TENM2: variants seen among roughly 807,000 people sequenced by gnomAD.
The protein encoded by TENM2 is teneurin-2.
TENM2 carries 52 observed loss-of-function variants against 245.2 expected under a neutral mutation model. The ratio of observed to expected loss-of-function variants is 0.21; its 90% CI spans 0.17 to 0.27. The LOEUF is 0.27. Ranked by LOEUF, TENM2 falls within the 10% of genes least tolerant of loss-of-function variation. The pLI is 1.00. For missense variants in TENM2, 3,046 were observed against 3,666.8 expected, an observed-to-expected ratio of 0.83 and a Z score of 4.37; for synonymous variants, 1,363 against 1,438.9, an observed-to-expected ratio of 0.95 and a Z score of 1.19.
At chr5:168,176,343 C>T (rs1759358189) in intron 13 of TENM2, among the ~76,000 whole-genome samples, 1 of 152,200 alleles carries the variant, frequency 6.6e-6, no homozygotes. Flanking sequence ...TCCTCTCTCT[C>T]TTCCTCGTCC....
intron 3 of TENM2, among the ~76,000 whole-genome samples, chr5:167,942,338 T>C (rs1448971532): frequency 6.6e-6 from 1 of 152,246 alleles, no homozygotes; most frequent in African/African-American, 2.4e-5. Flanking sequence ...TAACTCTCTT[T>C]ACCAATTAGG....
chr5:168,092,837 A>G (rs1379224688), intron 8 of TENM2, among the ~76,000 whole-genome samples: 1 of 152,258 alleles, frequency 6.6e-6, no homozygotes, highest in Non-Finnish European at 1.5e-5. Context: ...GGGGTCTACA[A>G]GAATTCAGAG....
chr5:167,474,305 T>A (rs1767227225), intron 2 of TENM2, among the ~76,000 whole-genome samples: 1 of 152,146 alleles, frequency 6.6e-6, no homozygotes, highest in South Asian at 2.1e-4. Context: ...ATATTCAATA[T>A]CAACGTTTTT....
chr5:168,070,769 G>C (rs555742711), intron 7 of TENM2, among the ~76,000 whole-genome samples: 10 of 149,166 alleles, frequency 6.7e-5, no homozygotes, highest in South Asian at 6.5e-4. Flanking sequence ...GGGCAAAAGA[G>C]TGAGATCCTG....
intron 8 of TENM2, among the ~76,000 whole-genome samples, chr5:168,095,998 A>G (rs570703456): frequency 6.6e-6 from 1 of 152,304 alleles, no homozygotes; most frequent in East Asian, 1.9e-4. Flanking sequence ...CAGGAGAAAA[A>G]TCCTGAGCTT....
rs369381153 is a variant in TENM2 at position 167,694,379 on chromosome 5, G to C, written c.503-181607G>C. ...CAGGTGATTCTCATCCACAGCCCAG[G>C]TTCTGAACCAATATTTAAAATAGCA... On this transcript the variant is annotated intron_variant, in intron 2 of 28. Coordinates refer to ENST00000518659, the Ensembl canonical transcript of TENM2. Among the ~76,000 whole-genome samples the C allele has an allele frequency of 2.0e-5, 3 of 152,272 alleles. No individual in the cohort carries two copies. The South Asian group carries it at 6.2e-4, about 32-fold the overall frequency.
the TENM2 span, among the ~76,000 whole-genome samples, chr5:167,111,661 T>G: frequency 6.6e-6 from 1 of 152,162 alleles, no homozygotes; most frequent in African/African-American, 2.4e-5. Context: ...AAATGCAAAT[T>G]TCTGTACTTT....
intron 2 of TENM2, among the ~76,000 whole-genome samples, chr5:167,870,638 CAT>C (rs896976549): frequency 1.6e-4 from 23 of 146,282 alleles, no homozygotes; most frequent in African/African-American, 3.0e-4. Context: ...TACACACACA[CAT>C]ATATAGTAAT....
chr5:167,086,437 T>C, the TENM2 span, among the ~76,000 whole-genome samples: 1 of 152,096 alleles, frequency 6.6e-6, no homozygotes. Context: ...GGTCCTAGTG[T>C]TTTTCAATTC....
intron 15 of TENM2, among the ~76,000 whole-genome samples, chr5:168,196,049 G>C (rs1159200379): frequency 6.6e-6 from 1 of 152,074 alleles, no homozygotes; most frequent in Non-Finnish European, 1.5e-5. Context: ...CACAATTATG[G>C]CATTCTGTTT....
intron 25 of TENM2, among the ~76,000 whole-genome samples, chr5:168,233,189 G>A (rs1481491213): frequency 6.6e-6 from 1 of 152,194 alleles, no homozygotes; most frequent in Non-Finnish European, 1.5e-5. Flanking sequence ...AGCTGGGTGT[G>A]GTGGCGCATG....
chr5:168,223,470 CTT>C (rs34029248), intron 23 of TENM2, among the ~76,000 whole-genome samples: 21 of 136,966 alleles, frequency 1.5e-4, no homozygotes, highest in Admixed American at 7.3e-5. Flanking sequence ...CAAGTAATTT[CTT>C]TTTTTTTTTT....
At chr5:166,979,643 CT>C in the TENM2 span, among the ~76,000 whole-genome samples, 14 of 152,124 alleles carry the variant, frequency 9.2e-5, no homozygotes, top group Non-Finnish European at 1.8e-4. Context: ...CTGCAGTTCT[CT>C]TTCTCTCCTT....
chr5:167,022,130 T>C, the TENM2 span, among the ~76,000 whole-genome samples: 633 of 152,332 alleles, frequency 4.2e-3, 4 homozygotes, highest in African/African-American at 0.014. Context: ...CTCTGTAAGT[T>C]AGATCTATTA....
At chr5:167,753,436 G>A (rs1762088647) in intron 2 of TENM2, among the ~76,000 whole-genome samples, 1 of 152,178 alleles carries the variant, frequency 6.6e-6, no homozygotes, top group Non-Finnish European at 1.5e-5. Context: ...ACAACAATAT[G>A]TAGCCAAGAA....
At chr5:167,536,074 A>G (rs1476227662) in intron 2 of TENM2, among the ~76,000 whole-genome samples, 2 of 152,192 alleles carry the variant, frequency 1.3e-5, no homozygotes, top group African/African-American at 4.8e-5. Flanking sequence ...TACACCATGC[A>G]GAGTGTGAAT....
chr5:167,225,891 G>A, the TENM2 span, among the ~76,000 whole-genome samples: 5 of 151,768 alleles, frequency 3.3e-5, no homozygotes, highest in Non-Finnish European at 5.9e-5. Context: ...ATTCGAACTT[G>A]GTAGGTTTTA....
rs1378814879 is a variant in TENM2 at position 168,184,448 on chromosome 5, C to A, written c.2570-5889C>A. Among the ~76,000 whole-genome samples, 2 of 152,160 alleles carry A rather than the reference C, an allele frequency of 1.3e-5. 1 individual carries two copies. Among genetic ancestry groups the A allele is most frequent in the South Asian group, 4.1e-4 (2 of 4,828 alleles). ...AGTAAATGTAGGTGTTCTTCTGGAG[C>A]CTTTAATACCTAGGAAAGCCATGGA... On this transcript the variant is annotated intron_variant, in intron 13 of 28. Coordinates refer to ENST00000518659, the Ensembl canonical transcript of TENM2.
chr5:167,960,434 G>T (rs528128120), intron 4 of TENM2, among the ~76,000 whole-genome samples: 12 of 152,328 alleles, frequency 7.9e-5, no homozygotes, highest in Admixed American at 1.3e-4. Flanking sequence ...GCTACAGCAG[G>T]TTTGCTGAGC....
Sources: allele counts gnomAD v4.1 joint callset (sites outside exome capture counted in the v4.1 genomes callset), GRCh38; gene constraint gnomAD v4.1.1; transcripts MANE v1.5; gene names NCBI Gene and HGNC (gene_info 2026-07-23, HGNC 2026-07-21).